The following BRCA1 variants were observed in gnomAD, a reference collection of about 807,000 sequenced individuals.
The protein encoded by BRCA1 is BRCA1 DNA repair associated.
A neutral mutation model predicts 173.7 loss-of-function variants in BRCA1; 140 were observed. The observed-to-expected ratio is 0.81, with a 90% CI of 0.70 to 0.93. The LOEUF is 0.93. Among genes scored for constraint, BRCA1 ranks in the 40% least tolerant of loss-of-function variants. BRCA1 has a pLI of 0.00. For synonymous variants in BRCA1, 662 were observed against 756.0 expected (o/e 0.88, Z 2.04); for missense variants, 1,983 against 2,172.5 (o/e 0.91, Z 1.73).
chr17:43,136,973 A>G (rs1467016812), intron 1 of BRCA1, among the ~76,000 whole-genome samples: 1 of 152,114 alleles, frequency 6.6e-6, no homozygotes, highest in Non-Finnish European at 1.5e-5. Context: ...TATAAAGACA[A>G]ATGCACACGT....
At chr17:43,143,131 G>A (rs1055992695) in intron 1 of BRCA1, among the ~76,000 whole-genome samples, 2 of 150,018 alleles carry the variant, frequency 1.3e-5, no homozygotes, top group South Asian at 2.1e-4. Context: ...TGGTAGACAC[G>A]GGTTTCTCCA....
Position 43,165,781 on chromosome 17 carries a change from G to C in BRCA1, c.-20+4345C>G, listed in dbSNP as rs1309663017. 5.0e-5 allele frequency: 6 copies of C among 120,308 alleles called. No individual in the cohort carries two copies. In the East Asian group the frequency reaches 1.5e-3, roughly 30 times the overall value. 7.5% of individuals were successfully genotyped at this position (120,308 alleles called of 1,614,324 possible). ...TTCTTTTCCAAAGCGAACCTTTTTT[G>C]TGTCTTGTGGACTAGGCCACAAGAA... On this transcript the variant is annotated intron_variant, in intron 1 of 7. Transcript: ENST00000634433.
Position 43,106,556 on chromosome 17 carries a change from G to A in BRCA1, c.135-23C>T, listed in dbSNP as rs763633355. Reference sequence around the variant, plus strand: ...AATCTATAAATTATAAAGAAAGAAAGAACAATTTAATTTACTTCCTTTTGT... The same window carrying A: ...AATCTATAAATTATAAAGAAAGAAAAAACAATTTAATTTACTTCCTTTTGT... On this transcript the variant is annotated intron_variant, in intron 3 of 22. Coordinates refer to ENST00000357654, the MANE Select transcript of BRCA1 (RefSeq NM_007294.4). The A allele has an allele frequency of 8.8e-5, 133 of 1,519,490 alleles. No homozygotes were observed. In the Admixed American group the frequency reaches 9.3e-4, roughly 11 times the overall value. The allele number at this position is 1,519,490 out of a possible 1,614,324, so 94.1% of individuals were successfully genotyped here.
At chr17:43,074,232 T>A in intron 14 of BRCA1, 99 bp downstream of exon 14, 3 of 1,232,430 alleles carry the variant, frequency 2.4e-6, no homozygotes, top group Non-Finnish European at 3.5e-6. Flanking sequence ...GTGTCCATGA[T>A]AGACTAGTAC....
chr17:43,121,965 GT>G (rs746922157), intron 2 of BRCA1, among the ~76,000 whole-genome samples: 50 of 152,118 alleles, frequency 3.3e-4, no homozygotes, highest in Non-Finnish European at 6.2e-4. Flanking sequence ...TCATGAGTAA[GT>G]TTTGTGCTTT....
At chr17:43,072,628 G>A (rs1367287671) in intron 14 of BRCA1, among the ~76,000 whole-genome samples, 2 of 148,608 alleles carry the variant, frequency 1.3e-5, no homozygotes, top group African/African-American at 5.0e-5. Flanking sequence ...GCAATGGCGC[G>A]ATCTCAGCTC....
At chr17:43,133,336 G>A (rs1170653950) in intron 1 of BRCA1, among the ~76,000 whole-genome samples, 1 of 152,166 alleles carries the variant, frequency 6.6e-6, no homozygotes, top group Non-Finnish European at 1.5e-5. Flanking sequence ...AGTGGTGAGG[G>A]CAGGGGACAG....
intron 11 of BRCA1, among the ~76,000 whole-genome samples, chr17:43,083,024 T>C (rs1316987605): frequency 1.3e-5 from 2 of 152,186 alleles, no homozygotes; most frequent in Non-Finnish European, 1.5e-5. Flanking sequence ...TTTAGACTGA[T>C]GTAATGTTGA....
intron 1 of BRCA1, chr17:43,138,878 G>A (rs1381774216): frequency 1.4e-5 from 11 of 778,890 alleles, no homozygotes. Context: ...CAGCAGCGGT[G>A]TCCCAAGTTT....
rs750095985 is a variant in BRCA1, at chr17:43,074,320, T to A, written c.4675+11A>T. ...AAAGTGTTTGTTCCAATACAGCAGA[T>A]GAAATATTACCTAGATCTTGCCTTG... On this transcript the variant is annotated intron_variant, in intron 14 of 22. Coordinates refer to ENST00000357654, the MANE Select transcript of BRCA1 (RefSeq NM_007294.4). 1.2e-6 allele frequency: 2 copies of A among 1,612,172 alleles called. No homozygotes were observed. Among genetic ancestry groups the A allele is most frequent in the Non-Finnish European group, 1.7e-6 (2 of 1,178,244 alleles).
chr17:43,057,267 T>C, intron 18 of BRCA1, 132 bp from the exon 19 acceptor site: 1 of 832,908 alleles, frequency 1.2e-6, no homozygotes, highest in South Asian at 1.3e-5. Flanking sequence ...CCTAGCACTT[T>C]GGGAGACTGA....
intron 3 of BRCA1, among the ~76,000 whole-genome samples, chr17:43,109,041 T>TCTAGCTATCTACCTAC (rs2054923454): frequency 6.6e-6 from 1 of 151,468 alleles, no homozygotes; most frequent in Admixed American, 6.6e-5. Flanking sequence ...TATCTATATC[T>TCTAGCTATCTACCTAC]CTATCTATCT....
At position 43,044,617 on chromosome 17, in the gene BRCA1, T is replaced by C. The variant is rs1429603310; in HGVS notation, c.*1061A>G. The C allele has an allele frequency of 6.0e-6, 3 of 503,502 alleles. No homozygotes were observed. The highest frequency in any genetic ancestry group is 1.2e-5 in the Non-Finnish European group (3 of 256,832). The allele number at this position is 503,502 out of a possible 1,614,324, so 31.2% of individuals were successfully genotyped here. A position where few individuals can be genotyped will look rare whatever the true frequency, so the allele number is the denominator to read the frequency against. ...TGAAATATTCATGCCAGAGGTCTTA[T>C]ATTTTAAGAGGAATGGATTATATAC... On this transcript the variant is annotated 3_prime_UTR_variant, in exon 23 of 23. Transcript: ENST00000357654.
intron 3 of BRCA1, among the ~76,000 whole-genome samples, chr17:43,111,763 AG>A (rs963969580): frequency 6.6e-6 from 1 of 152,136 alleles, no homozygotes; most frequent in Non-Finnish European, 1.5e-5. Context: ...TGGAGCTTGC[AG>A]TGAGCCGAGA....
chr17:43,044,332 C>G lies in BRCA1; in HGVS notation c.*1346G>C, dbSNP rs1204939446. 1 of 491,562 alleles carries G rather than the reference C, an allele frequency of 2.0e-6. No individual in the cohort carries two copies. The highest frequency in any genetic ancestry group is 2.3e-5 in the Admixed American group (1 of 43,284). The allele number at this position is 491,562 out of a possible 1,614,324, so 30.5% of individuals were successfully genotyped here. ...CTACCAAGTTTATTTGCAGTGTTAA[C>G]AGCACAACATTTACAAAACGTATTT... On this transcript the variant is annotated 3_prime_UTR_variant, in exon 23 of 23. Transcript: ENST00000357654.
chr17:43,122,356 T>C (rs1475815691), intron 2 of BRCA1, among the ~76,000 whole-genome samples: 1 of 152,238 alleles, frequency 6.6e-6, no homozygotes, highest in African/African-American at 2.4e-5. Context: ...ATTTGACAAA[T>C]GTTTATTGAG....
intron 2 of BRCA1, among the ~76,000 whole-genome samples, chr17:43,118,882 G>GC (rs2055418384): frequency 6.6e-6 from 1 of 151,654 alleles, no homozygotes; most frequent in Non-Finnish European, 1.5e-5. Flanking sequence ...TTGTGCCTCA[G>GC]CATTCCAAGT....
intron 16 of BRCA1, 163 bp downstream of exon 16, chr17:43,067,445 G>T: frequency 1.8e-6 from 1 of 567,616 alleles, no homozygotes; most frequent in Admixed American, 2.8e-5. Flanking sequence ...TAGTAGAGAC[G>T]GGGTTTCACC....
intron 6 of BRCA1, among the ~76,000 whole-genome samples, chr17:43,103,825 G>A (rs920741227): frequency 2.6e-5 from 4 of 151,864 alleles, no homozygotes; most frequent in African/African-American, 4.8e-5. Flanking sequence ...TGGTTTTACC[G>A]GCCGGGCACA....
Sources: allele counts gnomAD v4.1 joint callset (sites outside exome capture counted in the v4.1 genomes callset), GRCh38; gene constraint gnomAD v4.1.1; transcripts MANE v1.5; gene names NCBI Gene and HGNC (gene_info 2026-07-23, HGNC 2026-07-21).